The following COL4A2 variants were observed in gnomAD, a reference collection of about 807,000 sequenced individuals.
COL4A2 encodes the protein collagen alpha-2(IV) chain.
A neutral mutation model predicts 200.2 loss-of-function variants in COL4A2; 99 were observed. That is an observed-to-expected ratio of 0.49 (90% CI 0.42 to 0.58). The LOEUF (loss-of-function observed/expected upper bound fraction) is 0.58. COL4A2 is among the 20% of genes least tolerant of loss of function. The pLI is 0.00. For synonymous variants in COL4A2, 897 were observed against 900.6 expected (o/e 1.00, Z 0.07); for missense variants, 1,950 against 2,314.1 (o/e 0.84, Z 3.23).
chr13:110,392,098 T>A (rs1306492389), intron 4 of COL4A2, among the ~76,000 whole-genome samples: 1 of 152,086 alleles, frequency 6.6e-6, no homozygotes, highest in African/African-American at 2.4e-5. Flanking sequence ...AACTTCAAAT[T>A]TGAGATTCTA....
intron 4 of COL4A2, among the ~76,000 whole-genome samples, chr13:110,398,634 A>C (rs544612270): frequency 6.6e-6 from 1 of 152,314 alleles, no homozygotes; most frequent in African/African-American, 2.4e-5. Context: ...TGGAGGTTGC[A>C]GTGAGCCGAG....
intron 47 of COL4A2, among the ~76,000 whole-genome samples, chr13:110,510,661 AGTGTACACCATGTGTGTGCATGT>A (rs1884053566): frequency 6.6e-6 from 1 of 152,006 alleles, no homozygotes; most frequent in Non-Finnish European, 1.5e-5. Context: ...TGTGTGCATG[AGTGTACACCATGTGTGTGCATGT>A]GTGCATGTAT....
chr13:110,449,444 C>G (rs756228821), intron 18 of COL4A2, among the ~76,000 whole-genome samples: 3 of 152,302 alleles, frequency 2.0e-5, no homozygotes, highest in Admixed American at 2.0e-4. Context: ...CTTCTTTATT[C>G]GAGCTTTGGA....
chr13:110,434,526 G>A (rs1252864288), intron 12 of COL4A2, 84 bp downstream of exon 12: 1 of 1,426,572 alleles, frequency 7.0e-7, no homozygotes, highest in Non-Finnish European at 9.8e-7. Context: ...TAAGTTCTGT[G>A]CTGTAAAACT....
At chr13:110,432,121 C>T (rs920494200) in intron 10 of COL4A2, among the ~76,000 whole-genome samples, 4 of 152,182 alleles carry the variant, frequency 2.6e-5, no homozygotes, top group African/African-American at 4.8e-5. Flanking sequence ...CGTAGACAGC[C>T]GGCAGATTCT....
At chr13:110,311,487 C>A (rs1884981761) in intron 3 of COL4A2, among the ~76,000 whole-genome samples, 7 of 152,158 alleles carry the variant, frequency 4.6e-5, no homozygotes, top group Admixed American at 4.6e-4. Context: ...ATTCGCCAAG[C>A]CTCTGCGTCC....
intron 10 of COL4A2, chr13:110,430,887 A>T (rs1455173745): frequency 7.8e-6 from 5 of 638,864 alleles, no homozygotes; most frequent in Non-Finnish European, 1.5e-5. Flanking sequence ...CCCACCCCAT[A>T]CCTACCCAGT....
intron 20 of COL4A2, chr13:110,456,834 C>G (rs954589712): frequency 2.0e-5 from 9 of 456,928 alleles, no homozygotes; most frequent in Non-Finnish European, 3.2e-5. Context: ...GCGTGGAACC[C>G]CAGGCGTCCG....
chr13:110,475,858 T>A (rs1882686415), intron 29 of COL4A2, among the ~76,000 whole-genome samples: 1 of 152,242 alleles, frequency 6.6e-6, no homozygotes, highest in Admixed American at 6.5e-5. Context: ...TTTTAGCAGT[T>A]GTTCCTTTTT....
chr13:110,466,942 T>C (rs1017281622), intron 26 of COL4A2, 98 bp from the exon 27 acceptor site: 170 of 1,496,474 alleles, frequency 1.1e-4, no homozygotes, highest in Non-Finnish European at 1.4e-4. Context: ...TGGTAGCCGG[T>C]TTGCACAGCT....
intron 18 of COL4A2, among the ~76,000 whole-genome samples, chr13:110,447,134 G>A (rs919843939): frequency 6.6e-6 from 1 of 152,184 alleles, no homozygotes; most frequent in Non-Finnish European, 1.5e-5. Context: ...AATCCCCTCC[G>A]TTGGGGAATT....
At position 110,484,767 on chromosome 13, in the gene COL4A2, G is replaced by A. The variant is rs1014892871; in HGVS notation, c.2903-138G>A. 3.0e-5 allele frequency: 38 copies of A among 1,257,118 alleles called. No homozygotes were observed. In the African/African-American group the frequency reaches 3.1e-4, roughly 10 times the overall value. The allele number at this position is 1,257,118 out of a possible 1,614,324, so 77.9% of individuals were successfully genotyped here. A position where few individuals can be genotyped will look rare whatever the true frequency, so the allele number is the denominator to read the frequency against. The stretch of plus-strand genomic sequence containing the variant: ...CGATGGACACAGGAGAGGCTTCTCC[G>A]GCGCCCTTGGTCTCTCTCCAAGGCT... On this transcript the variant is annotated intron_variant, in intron 32 of 47. Coordinates refer to ENST00000360467, the MANE Select transcript of COL4A2 (RefSeq NM_001846.4).
chr13:110,317,836 A>G (rs1885180790), intron 3 of COL4A2, among the ~76,000 whole-genome samples: 2 of 152,344 alleles, frequency 1.3e-5, no homozygotes, highest in South Asian at 4.1e-4. Flanking sequence ...ATTTAGAGAA[A>G]GACTTACTGA....
At chr13:110,382,155 AC>A (rs1878516244) in intron 4 of COL4A2, among the ~76,000 whole-genome samples, 1 of 152,262 alleles carries the variant, frequency 6.6e-6, no homozygotes, top group South Asian at 2.1e-4. Flanking sequence ...AGAGAAAAAA[AC>A]AATCCCTTCT....
At chr13:110,479,463 G>GGCC (rs1555331860) in intron 30 of COL4A2, among the ~76,000 whole-genome samples, 5 of 152,196 alleles carry the variant, frequency 3.3e-5, no homozygotes, top group South Asian at 2.1e-4. Flanking sequence ...AGCAGAGGCA[G>GGCC]AATTGCCCAG....
At chr13:110,327,893 CAA>C in intron 3 of COL4A2, among the ~76,000 whole-genome samples, 1 of 152,356 alleles carries the variant, frequency 6.6e-6, no homozygotes, top group East Asian at 1.9e-4. Context: ...GTCACACACA[CAA>C]AATGATTCAT....
At chr13:110,349,624 G>T (rs531069627) in intron 3 of COL4A2, among the ~76,000 whole-genome samples, 1 of 152,300 alleles carries the variant, frequency 6.6e-6, no homozygotes, top group East Asian at 1.9e-4. Flanking sequence ...CAAGAAACTA[G>T]AACCTGGTTT....
At chr13:110,366,997 C>T (rs1877783636) in intron 4 of COL4A2, among the ~76,000 whole-genome samples, 1 of 152,144 alleles carries the variant, frequency 6.6e-6, no homozygotes, top group African/African-American at 2.4e-5. Context: ...CTTCCAAAGG[C>T]CATATGTCCC....
chr13:110,498,860 A>G (rs1221907829), intron 40 of COL4A2, among the ~76,000 whole-genome samples: 1 of 152,184 alleles, frequency 6.6e-6, no homozygotes, highest in Non-Finnish European at 1.5e-5. Flanking sequence ...ATTCCATCCC[A>G]GGGACCTGGA....
Sources: gnomAD v4.1 joint callset for allele counts (sites outside exome capture counted in the v4.1 genomes callset) on GRCh38, gnomAD v4.1.1 for gene constraint, MANE v1.5 for transcripts, NCBI Gene and HGNC (gene_info 2026-07-23, HGNC 2026-07-21) for gene names.